ANKRD55: variants seen among roughly 807,000 people sequenced by gnomAD.
ANKRD55 encodes ankyrin repeat domain 55, also known as ankyrin repeat domain-containing protein 55.
In ANKRD55, 41 loss-of-function variants were observed where a neutral mutation model predicts 60.6. The observed-to-expected ratio is 0.68, with a 90% CI of 0.53 to 0.88. ANKRD55 has a LOEUF of 0.88. Among genes scored for constraint, ANKRD55 ranks in the 40% least tolerant of loss-of-function variants. The pLI, the probability that ANKRD55 is intolerant of heterozygous loss-of-function variation, is 0.00. For missense variants in ANKRD55, 732 were observed against 767.6 expected (o/e 0.95, Z 0.55); for synonymous variants, 264 against 290.3 (o/e 0.91, Z 0.92).
chr5:56,109,618 G>A (rs1435430010), intron 10 of ANKRD55, among the ~76,000 whole-genome samples: 4 of 151,184 alleles, frequency 2.6e-5, no homozygotes, highest in Non-Finnish European at 4.4e-5. Flanking sequence ...GATTACAAGT[G>A]TGAGTCACTG....
At chr5:56,108,057 GAGACGAAGCTTA>G (rs1329618746) in intron 10 of ANKRD55, among the ~76,000 whole-genome samples, 4 of 151,878 alleles carry the variant, frequency 2.6e-5, no homozygotes, top group Non-Finnish European at 5.9e-5. Flanking sequence ...ATTTTTTGTA[GAGACGAAGCTTA>G]ACCACGTTGC....
In ANKRD55 at chr5:56,100,075, G is replaced by A. The variant is rs1306131609; in HGVS notation, c.*108C>T. On this transcript the variant is annotated 3_prime_UTR_variant, in exon 12 of 12. Coordinates refer to ENST00000341048, the MANE Select transcript of ANKRD55 (RefSeq NM_024669.3). ...CGAGTTATAAAACTGATGGCTTATAGAATGCAGCTTACTAAATTGGTCTTC... is the reference window on the plus strand; with the variant it reads ...CGAGTTATAAAACTGATGGCTTATAAAATGCAGCTTACTAAATTGGTCTTC... The A allele has an allele frequency of 4.9e-6, 7 of 1,433,984 alleles. No individual in the cohort carries two copies. Among genetic ancestry groups the A allele is most frequent in the Non-Finnish European group, 6.8e-6 (7 of 1,030,956 alleles). The allele number at this position is 1,433,984 out of a possible 1,614,324, so 88.8% of individuals were successfully genotyped here. A position where few individuals can be genotyped will look rare whatever the true frequency, so the allele number is the denominator to read the frequency against.
chr5:56,188,898 C>T (rs1039884430), intron 2 of ANKRD55, among the ~76,000 whole-genome samples: 2 of 151,628 alleles, frequency 1.3e-5, no homozygotes, highest in Non-Finnish European at 2.9e-5. Context: ...AAATAAACAG[C>T]GTTGTAATAA....
chr5:56,169,187 A>C (rs1056431382), intron 5 of ANKRD55, among the ~76,000 whole-genome samples: 1 of 152,216 alleles, frequency 6.6e-6, no homozygotes, highest in African/African-American at 2.4e-5. Context: ...TAAAACACTG[A>C]AGCTTTGGAT....
intron 2 of ANKRD55, among the ~76,000 whole-genome samples, chr5:56,199,764 G>T (rs571472683): frequency 6.6e-6 from 1 of 151,742 alleles, no homozygotes; most frequent in East Asian, 1.9e-4. Flanking sequence ...GGTGGCGGGC[G>T]CCTGTAGTCC....
chr5:56,162,273 G>A (rs568220765), intron 5 of ANKRD55, among the ~76,000 whole-genome samples: 3 of 152,288 alleles, frequency 2.0e-5, no homozygotes, highest in African/African-American at 7.2e-5. Context: ...GGGATGAACC[G>A]TGTGCCTAGA....
intron 6 of ANKRD55, among the ~76,000 whole-genome samples, chr5:56,154,715 A>C (rs965514277): frequency 7.9e-5 from 12 of 151,424 alleles, no homozygotes; most frequent in African/African-American, 2.9e-4. Flanking sequence ...CAGCCTCTGG[A>C]GTAGCTGGGG....
chr5:56,206,537 A>G (rs1280471063), intron 2 of ANKRD55, among the ~76,000 whole-genome samples: 1 of 152,194 alleles, frequency 6.6e-6, no homozygotes, highest in Non-Finnish European at 1.5e-5. Flanking sequence ...GAGCCCCTGC[A>G]TCATGCAATG....
chr5:56,115,617 C>A (rs906047406), intron 9 of ANKRD55, among the ~76,000 whole-genome samples: 7 of 151,970 alleles, frequency 4.6e-5, no homozygotes, highest in Non-Finnish European at 1.5e-5. Context: ...CCACCATGCC[C>A]AGCCCGCAGC....
At chr5:56,232,473 T>C (rs1760280641) in intron 2 of ANKRD55, among the ~76,000 whole-genome samples, 1 of 152,194 alleles carries the variant, frequency 6.6e-6, no homozygotes, top group South Asian at 2.1e-4. Context: ...TGTTCTTACA[T>C]TGCTTACCCT....
intron 7 of ANKRD55, 30 bp from the exon 8 acceptor site, chr5:56,127,136 A>G (rs771615984): frequency 6.3e-7 from 1 of 1,576,502 alleles, no homozygotes; most frequent in Admixed American, 1.8e-5. Flanking sequence ...AAAGCCCATT[A>G]TGTACAATCC....
chr5:56,212,349 CAG>C (rs1481960516), intron 2 of ANKRD55, among the ~76,000 whole-genome samples: 1 of 152,024 alleles, frequency 6.6e-6, no homozygotes, highest in Non-Finnish European at 1.5e-5. Flanking sequence ...ATAAGATAAA[CAG>C]ATAAAAAGTG....
intron 2 of ANKRD55, among the ~76,000 whole-genome samples, chr5:56,205,266 G>A (rs1276577768): frequency 6.6e-6 from 1 of 152,078 alleles, no homozygotes; most frequent in African/African-American, 2.4e-5. Context: ...TCACCATATT[G>A]GTCAGGCTGG....
At position 56,212,089 on chromosome 5, in the gene ANKRD55, C is replaced by T. The variant is rs891620725; in HGVS notation, c.58+20767G>A. On this transcript the variant is annotated intron_variant, in intron 2 of 11. Coordinates refer to ENST00000341048, the MANE Select transcript of ANKRD55 (RefSeq NM_024669.3). Reference sequence around the variant, plus strand: ...ACACACACACACACACACACACACACGCGTACCTATAGACCAATTCGGTTT... The same window carrying T: ...ACACACACACACACACACACACACATGCGTACCTATAGACCAATTCGGTTT... Among the ~76,000 whole-genome samples the T allele has an allele frequency of 1.9e-4, 14 of 72,216 alleles. No homozygotes were observed. In the East Asian group the frequency reaches 2.1e-3, roughly 11 times the overall value. 47.4% of individuals were successfully genotyped at this position (72,216 alleles called of 152,430 possible). A position where few individuals can be genotyped will look rare whatever the true frequency, so the allele number is the denominator to read the frequency against.
intron 7 of ANKRD55, chr5:56,137,269 CAG>C: frequency 4.4e-6 from 7 of 1,602,016 alleles, no homozygotes; most frequent in Non-Finnish European, 4.2e-6. Flanking sequence ...CTTAAAAATG[CAG>C]AGAGTAATGC....
intron 2 of ANKRD55, among the ~76,000 whole-genome samples, chr5:56,207,875 A>G (rs1332669979): frequency 6.6e-6 from 1 of 152,206 alleles, no homozygotes; most frequent in Non-Finnish European, 1.5e-5. Context: ...GTTTTCTTCT[A>G]TAATAAATTA....
At chr5:56,137,392 A>G in intron 7 of ANKRD55, 1 of 992,436 alleles carries the variant, frequency 1.0e-6, no homozygotes, top group Non-Finnish European at 1.6e-6. Flanking sequence ...ATTAACCCAT[A>G]CATGAGCTCT....
At chr5:56,185,240 AC>A (rs1561284718) in intron 2 of ANKRD55, among the ~76,000 whole-genome samples, 1 of 151,850 alleles carries the variant, frequency 6.6e-6, no homozygotes, top group Non-Finnish European at 1.5e-5. Flanking sequence ...AACAACAACA[AC>A]AAAAGAACTG....
At chr5:56,146,264 G>A (rs1394455918) in intron 6 of ANKRD55, among the ~76,000 whole-genome samples, 4 of 151,838 alleles carry the variant, frequency 2.6e-5, no homozygotes, top group African/African-American at 7.3e-5. Context: ...TTAACGGAAC[G>A]AATGACTTAC....
Sources: gnomAD v4.1 joint callset for allele counts (sites outside exome capture counted in the v4.1 genomes callset) on GRCh38, gnomAD v4.1.1 for gene constraint, MANE v1.5 for transcripts, NCBI Gene and HGNC (gene_info 2026-07-23, HGNC 2026-07-21) for gene names.